ACOXL: variants seen among roughly 807,000 people sequenced by gnomAD.
ACOXL encodes the protein acyl-coenzyme A oxidase-like protein.
Under a neutral mutation model 71.9 loss-of-function variants are expected in ACOXL, and 70 were observed. The observed-to-expected ratio is 0.97, with a 90% CI of 0.80 to 1.19. The LOEUF (loss-of-function observed/expected upper bound fraction) is 1.19. Ranked by LOEUF, ACOXL falls within the 50% of genes most tolerant of loss-of-function variation. The probability of loss-of-function intolerance (pLI) is 0.00; values close to 1 mark genes in which losing one functional copy is unlikely to be tolerated. For missense variants in ACOXL, 703 were observed against 736.3 expected (o/e 0.95, Z 0.52); for synonymous variants, 253 against 281.6 (o/e 0.90, Z 1.02).
chr2:111,118,277 C>T lies in ACOXL; in HGVS notation c.*461C>T, dbSNP rs1190898935. 6.0e-6 allele frequency: 1 copy of T among 167,528 alleles called. No individual in the cohort carries two copies. The highest frequency in any genetic ancestry group is 1.3e-5 in the Non-Finnish European group (1 of 78,874). 10.4% of individuals were successfully genotyped at this position (167,528 alleles called of 1,614,324 possible). The stretch of plus-strand genomic sequence containing the variant: ...AAAGAAAAAAGCTCCACTCTTTCCG[C>T]GAGCGGGAAAAAAGGTTTGGTTCAG... On this transcript the variant is annotated 3_prime_UTR_variant, in exon 18 of 18. Coordinates refer to ENST00000439055, the MANE Select transcript of ACOXL (RefSeq NM_001142807.4).
At chr2:111,096,476 C>T (rs973467572) in intron 17 of ACOXL, among the ~76,000 whole-genome samples, 5 of 152,100 alleles carry the variant, frequency 3.3e-5, no homozygotes, top group Non-Finnish European at 5.9e-5. Context: ...CTCCTGACCT[C>T]GTGATCTGCC....
At chr2:110,813,281 C>T (rs1401208521) in intron 9 of ACOXL, among the ~76,000 whole-genome samples, 1 of 152,172 alleles carries the variant, frequency 6.6e-6, no homozygotes, top group African/African-American at 2.4e-5. Flanking sequence ...TTAAGTAAGT[C>T]ATCAGAGGCT....
Position 110,845,153 on chromosome 2 carries a change from T to C in ACOXL, c.788+3748T>C, listed in dbSNP as rs79558100. On this transcript the variant is annotated intron_variant, in intron 10 of 17. Coordinates refer to ENST00000439055, the MANE Select transcript of ACOXL (RefSeq NM_001142807.4). ...TCTCACAGTCCTGGGAGGGCCAAGATGAAGGCGCCAGCAGGTTCAGTTGTC... is the reference window on the plus strand; with the variant it reads ...TCTCACAGTCCTGGGAGGGCCAAGACGAAGGCGCCAGCAGGTTCAGTTGTC... Among the ~76,000 whole-genome samples the C allele has an allele frequency of 9.3e-3, 1,423 of 152,280 alleles. 26 individuals carry two copies. Among genetic ancestry groups the C allele is most frequent in the African/African-American group, 0.033 (1,364 of 41,558 alleles).
At chr2:110,941,434 A>G (rs2060864765) in intron 12 of ACOXL, among the ~76,000 whole-genome samples, 3 of 152,238 alleles carry the variant, frequency 2.0e-5, no homozygotes, top group Admixed American at 2.0e-4. Flanking sequence ...GCAAGCTTCC[A>G]GCTTCCTTAT....
chr2:110,949,948 G>C (rs1338045376), intron 12 of ACOXL, among the ~76,000 whole-genome samples: 1 of 151,878 alleles, frequency 6.6e-6, no homozygotes, highest in Non-Finnish European at 1.5e-5. Flanking sequence ...TGGCCCTCTG[G>C]GTTCCATGTT....
chr2:111,114,710 G>A (rs763134098), intron 17 of ACOXL, among the ~76,000 whole-genome samples: 2 of 152,006 alleles, frequency 1.3e-5, no homozygotes, highest in African/African-American at 4.8e-5. Context: ...AATATGGTTT[G>A]TTCAGAGGAC....
At chr2:110,851,752 G>A (rs1692626640) in intron 10 of ACOXL, among the ~76,000 whole-genome samples, 1 of 152,238 alleles carries the variant, frequency 6.6e-6, no homozygotes, top group African/African-American at 2.4e-5. Context: ...ACAGGTGCCT[G>A]AGGCCATGTT....
At chr2:110,948,880 C>A (rs2061220858) in intron 12 of ACOXL, among the ~76,000 whole-genome samples, 1 of 151,896 alleles carries the variant, frequency 6.6e-6, no homozygotes, top group Non-Finnish European at 1.5e-5. Flanking sequence ...TCCCCTCCAA[C>A]CTGGATGCTG....
chr2:111,078,357 C>T (rs1442587331), intron 16 of ACOXL, among the ~76,000 whole-genome samples: 2 of 152,108 alleles, frequency 1.3e-5, no homozygotes, highest in Non-Finnish European at 2.9e-5. Context: ...CTCTGCCTCC[C>T]ATATTCAAGC....
chr2:111,030,978 C>T (rs1451098430), intron 14 of ACOXL, among the ~76,000 whole-genome samples: 3 of 152,106 alleles, frequency 2.0e-5, no homozygotes, highest in Non-Finnish European at 4.4e-5. Context: ...TCCTCACTTC[C>T]CTCCAACTAA....
chr2:110,786,110 A>G (rs541320568), intron 3 of ACOXL, among the ~76,000 whole-genome samples: 56 of 152,288 alleles, frequency 3.7e-4, no homozygotes, highest in African/African-American at 1.1e-3. Flanking sequence ...AGAGTCCTTC[A>G]TGGGGCCCTC....
chr2:110,777,964 A>G (rs952436401), intron 2 of ACOXL, among the ~76,000 whole-genome samples: 3 of 152,228 alleles, frequency 2.0e-5, no homozygotes, highest in Non-Finnish European at 2.9e-5. Context: ...GGTCTTGGGC[A>G]TGTGAGCCGA....
intron 9 of ACOXL, among the ~76,000 whole-genome samples, chr2:110,834,004 A>G (rs774852347): frequency 7.2e-5 from 11 of 152,178 alleles, no homozygotes; most frequent in African/African-American, 2.4e-4. Flanking sequence ...CAGCCCATCA[A>G]TGGGCTTGCA....
At chr2:110,797,381 T>G (rs1410264729) in intron 5 of ACOXL, among the ~76,000 whole-genome samples, 1 of 152,196 alleles carries the variant, frequency 6.6e-6, no homozygotes, top group Non-Finnish European at 1.5e-5. Flanking sequence ...GTTCTTCCAT[T>G]TTAGGAGCTT....
intron 14 of ACOXL, among the ~76,000 whole-genome samples, chr2:111,015,542 C>T (rs1276459045): frequency 6.6e-6 from 1 of 152,180 alleles, no homozygotes; most frequent in Non-Finnish European, 1.5e-5. Flanking sequence ...AATCACCACT[C>T]TGGAAGACAG....
At chr2:110,788,814 G>C (rs1364017331) in intron 3 of ACOXL, among the ~76,000 whole-genome samples, 1 of 152,224 alleles carries the variant, frequency 6.6e-6, no homozygotes, top group African/African-American at 2.4e-5. Context: ...GACCATGGCT[G>C]TCTTTTCTAT....
chr2:110,969,544 C>G (rs192838784), intron 12 of ACOXL, among the ~76,000 whole-genome samples: 126 of 152,162 alleles, frequency 8.3e-4, no homozygotes, highest in Non-Finnish European at 1.6e-3. Context: ...GTCGTGGTGG[C>G]TCACACCTCT....
intron 11 of ACOXL, among the ~76,000 whole-genome samples, chr2:110,927,546 C>A (rs982453121): frequency 2.0e-5 from 3 of 152,146 alleles, no homozygotes; most frequent in Admixed American, 2.0e-4. Flanking sequence ...CTTTTGAGAC[C>A]CAGTTGAGGC....
Position 110,818,483 on chromosome 2 carries a change from G to A in ACOXL, c.753+13088G>A, listed in dbSNP as rs190677891. The stretch of plus-strand genomic sequence containing the variant: ...TATATATATGTATATGTGTATGTGT[G>A]TATATATATGTGTATGTGTATATAT... On this transcript the variant is annotated intron_variant, in intron 9 of 17. Transcript: ENST00000439055. Among the ~76,000 whole-genome samples, 4 of 125,902 alleles carry A rather than the reference G, an allele frequency of 3.2e-5. 1 individual carries two copies. The East Asian group carries it at 6.9e-4, about 22-fold the overall frequency. 82.6% of individuals were successfully genotyped at this position (125,902 alleles called of 152,430 possible).
Sources: allele counts gnomAD v4.1 joint callset (sites outside exome capture counted in the v4.1 genomes callset), GRCh38; gene constraint gnomAD v4.1.1; transcripts MANE v1.5; gene names NCBI Gene and HGNC (gene_info 2026-07-23, HGNC 2026-07-21).